PRLR: variants seen among roughly 807,000 people sequenced by gnomAD.
PRLR encodes the protein hPRL receptor.
In PRLR, 13 loss-of-function variants were observed where a neutral mutation model predicts 40.2. The ratio of observed to expected loss-of-function variants is 0.32; its 90% confidence interval spans 0.21 to 0.51. The LOEUF is 0.51. Among genes scored for constraint, PRLR ranks in the 20% least tolerant of loss-of-function variants. The pLI, the probability that PRLR is intolerant of heterozygous loss-of-function variation, is 0.97. For synonymous variants in PRLR, 269 were observed against 278.7 expected (o/e 0.97, Z 0.35); for missense variants, 656 against 747.3 (o/e 0.88, Z 1.42).
At chr5:35,198,739 T>C (rs1352025276) in intron 1 of PRLR, among the ~76,000 whole-genome samples, 1 of 152,228 alleles carries the variant, frequency 6.6e-6, no homozygotes, top group East Asian at 1.9e-4. Context: ...TCTCTGCTCC[T>C]TTTCCACCAC....
chr5:35,130,697 CTCCCGAAAGAG>C (rs1169541153), intron 1 of PRLR, among the ~76,000 whole-genome samples: 1 of 152,164 alleles, frequency 6.6e-6, no homozygotes, highest in East Asian at 1.9e-4. Flanking sequence ...GAATTGCATC[CTCCCGAAAGAG>C]ACGCTGAAGT....
At chr5:35,183,874 T>C (rs7713837) in intron 1 of PRLR, among the ~76,000 whole-genome samples, 48,752 of 152,074 alleles carry the variant, frequency 0.32, 8,294 homozygotes, top group African/African-American at 0.43. Flanking sequence ...ACCCTAACAT[T>C]TTCTTTTGCC....
intron 2 of PRLR, among the ~76,000 whole-genome samples, chr5:35,116,311 T>C (rs1419205198): frequency 1.3e-5 from 2 of 152,206 alleles, no homozygotes; most frequent in Non-Finnish European, 2.9e-5. Flanking sequence ...ACTATTTGGT[T>C]AATTTTTTTT....
At chr5:35,054,157 T>A (rs1291061918), downstream of PRLR, among the ~76,000 whole-genome samples, 1 of 152,196 alleles carries the variant, frequency 6.6e-6, no homozygotes, top group African/African-American at 2.4e-5. Context: ...TCTGACTGCA[T>A]CAGGTAGTGA....
intron 7 of PRLR, among the ~76,000 whole-genome samples, chr5:35,069,616 A>C (rs1256942165): frequency 2.0e-5 from 3 of 152,212 alleles, no homozygotes; most frequent in Admixed American, 2.0e-4. Context: ...CAGGCTTTGT[A>C]AGCTGTAAAG....
At chr5:35,216,703 A>T (rs1402362733) in intron 1 of PRLR, among the ~76,000 whole-genome samples, 1 of 152,222 alleles carries the variant, frequency 6.6e-6, no homozygotes, top group African/African-American at 2.4e-5. Flanking sequence ...TTTAGGAGAC[A>T]TGGACAATGA....
intron 2 of PRLR, among the ~76,000 whole-genome samples, chr5:35,096,399 G>A (rs1771536479): frequency 6.6e-6 from 1 of 152,082 alleles, no homozygotes; most frequent in South Asian, 2.1e-4. Context: ...ATTTCCCCCA[G>A]CCAGTGCACA....
At chr5:35,202,907 C>T (rs1175073444) in intron 1 of PRLR, among the ~76,000 whole-genome samples, 1 of 152,174 alleles carries the variant, frequency 6.6e-6, no homozygotes, top group Non-Finnish European at 1.5e-5. Context: ...CTTGATGTGT[C>T]CCTGAAAATA....
chr5:35,052,842 G>A (rs988245345), downstream of PRLR, among the ~76,000 whole-genome samples: 14 of 152,086 alleles, frequency 9.2e-5, no homozygotes, highest in African/African-American at 2.9e-4. Flanking sequence ...TCAGTCTGTC[G>A]GCATTAGGTC....
At chr5:35,119,069 A>C (rs905918458) in intron 1 of PRLR, among the ~76,000 whole-genome samples, 1 of 152,200 alleles carries the variant, frequency 6.6e-6, no homozygotes, top group Non-Finnish European at 1.5e-5. Flanking sequence ...TGCTGGGATT[A>C]TAGGTGTGAA....
rs1005585777 is a variant in PRLR, at chr5:35,062,429, T to C, written c.*2660A>G. On this transcript the variant is annotated 3_prime_UTR_variant, in exon 10 of 10. Coordinates refer to ENST00000618457, the MANE Select transcript of PRLR (RefSeq NM_000949.7). The stretch of plus-strand genomic sequence containing the variant: ...TCCATTTGAACAGCTGTCTCCTTGA[T>C]AGACCACAAAAAAACTTTTTGTTAG... 8.5e-5 allele frequency: 13 copies of C among 152,058 alleles called. No individual in the cohort carries two copies. Among genetic ancestry groups the C allele is most frequent in the Admixed American group, 4.6e-4 (7 of 15,242 alleles). The allele number at this position is 152,058 out of a possible 1,614,324, so 9.4% of individuals were successfully genotyped here.
At chr5:35,130,221 A>G (rs889686752) in intron 1 of PRLR, 4 of 152,094 alleles carry the variant, frequency 2.6e-5, no homozygotes, top group African/African-American at 9.7e-5. Context: ...AAATTGACTA[A>G]CTTGCTTTTG....
At chr5:35,207,614 T>TTGTGTGTGTGTGTGTGTGTG (rs142502829) in intron 1 of PRLR, among the ~76,000 whole-genome samples, 10 of 146,886 alleles carry the variant, frequency 6.8e-5, no homozygotes, top group Admixed American at 2.7e-4. Flanking sequence ...CAATGGGAGA[T>TTGTGTGTGTGTGTGTGTGTG]TGTGTGTGTG....
At chr5:35,087,457 T>TGTGG (rs1378460945) in intron 3 of PRLR, among the ~76,000 whole-genome samples, 1 of 150,350 alleles carries the variant, frequency 6.7e-6, no homozygotes, top group African/African-American at 2.5e-5. Context: ...TGTGTGTGTG[T>TGTGG]GGTGAGGTTG....
chr5:35,076,261 A>T (rs1022718450), intron 5 of PRLR, among the ~76,000 whole-genome samples: 1 of 152,234 alleles, frequency 6.6e-6, no homozygotes, highest in Admixed American at 6.5e-5. Context: ...CTAAAGGAGG[A>T]TGTTTGAACC....
intron 2 of PRLR, among the ~76,000 whole-genome samples, chr5:35,109,519 G>GA (rs981124767): frequency 2.6e-5 from 4 of 151,964 alleles, no homozygotes; most frequent in Non-Finnish European, 4.4e-5. Context: ...AAATTTACAA[G>GA]AAAAAAATCA....
Position 35,118,317 on chromosome 5 carries a change from A to G in PRLR, c.-105-195T>C, listed in dbSNP as rs544367531. On this transcript the variant is annotated intron_variant, in intron 1 of 9. Transcript: ENST00000618457. ...TTTAATCTTACAGAAAAGTTATAAAATAGTAAAAAAAAAAAAAAAATCTCA... is the reference window on the plus strand; with the variant it reads ...TTTAATCTTACAGAAAAGTTATAAAGTAGTAAAAAAAAAAAAAAAATCTCA... Among the ~76,000 whole-genome samples the G allele has an allele frequency of 8.9e-5, 13 of 145,846 alleles. No individual in the cohort carries two copies. In the South Asian group the frequency reaches 2.7e-3, roughly 31 times the overall value.
At chr5:35,080,588 T>C (rs1323872640) in intron 5 of PRLR, among the ~76,000 whole-genome samples, 2 of 152,190 alleles carry the variant, frequency 1.3e-5, no homozygotes, top group Non-Finnish European at 2.9e-5. Flanking sequence ...TTTTACACTG[T>C]TGGTGGGACT....
chr5:35,102,431 T>G (rs1173234434), intron 2 of PRLR, among the ~76,000 whole-genome samples: 1 of 151,492 alleles, frequency 6.6e-6, no homozygotes, highest in African/African-American at 2.4e-5. Context: ...TCTTTTTCCT[T>G]TTCTTTTCTT....
Sources: allele counts gnomAD v4.1 joint callset (sites outside exome capture counted in the v4.1 genomes callset), GRCh38; gene constraint gnomAD v4.1.1; transcripts MANE v1.5; gene names NCBI Gene and HGNC (gene_info 2026-07-23, HGNC 2026-07-21).